Variants in CLYBL observed in about 807,000 individuals in gnomAD.
The protein encoded by CLYBL is citramalyl-CoA lyase, mitochondrial.
CLYBL carries 31 observed loss-of-function variants against 38.9 expected under a neutral mutation model. The observed-to-expected ratio is 0.80, with a 90% CI of 0.60 to 1.08. The LOEUF (loss-of-function observed/expected upper bound fraction) is 1.08. Ranked by LOEUF, CLYBL falls within the 50% of genes least tolerant of loss-of-function variation. The pLI, the probability that CLYBL is intolerant of heterozygous loss-of-function variation, is 0.00. For synonymous variants in CLYBL, 171 were observed against 158.6 expected (o/e 1.08, Z -0.59); for missense variants, 434 against 411.6 (o/e 1.05, Z -0.47).
chr13:99,901,645 G>GTTTTTTTTTTTTTTTTT (rs57853480), downstream of CLYBL, among the ~76,000 whole-genome samples: 4 of 127,190 alleles, frequency 3.1e-5, no homozygotes, highest in East Asian at 2.2e-4. Context: ...GGATTTTTTT[G>GTTTTTTTTTTTTTTTTT]TTTTTTTTTT....
intron 2 of CLYBL, among the ~76,000 whole-genome samples, chr13:99,823,821 T>A (rs977882466): frequency 2.6e-5 from 4 of 152,342 alleles, no homozygotes; most frequent in African/African-American, 9.6e-5. Flanking sequence ...GTTCTATTTT[T>A]CCCCAACAAG....
At chr13:99,648,681 T>C (rs1241341434) in intron 1 of CLYBL, among the ~76,000 whole-genome samples, 1 of 152,226 alleles carries the variant, frequency 6.6e-6, no homozygotes, top group Non-Finnish European at 1.5e-5. Context: ...GTTTAGGGTC[T>C]TTTCTACACT....
At chr13:99,894,909 G>A (rs1209387466), downstream of CLYBL, 1 of 152,146 alleles carries the variant, frequency 6.6e-6, no homozygotes, top group Non-Finnish European at 1.5e-5. Context: ...GCACAAGTTA[G>A]GAAGTTTCTC....
intron 1 of CLYBL, among the ~76,000 whole-genome samples, chr13:99,635,204 C>G (rs765590775): frequency 7.2e-5 from 11 of 151,940 alleles, no homozygotes; most frequent in Non-Finnish European, 1.2e-4. Flanking sequence ...ATTAGGTCTT[C>G]GTAATGAAAT....
downstream of CLYBL, among the ~76,000 whole-genome samples, chr13:99,897,631 G>A (rs9517908): frequency 0.71 from 107,222 of 152,026 alleles, 38,789 homozygotes; most frequent in East Asian, 0.79. Flanking sequence ...CTCTTTCACC[G>A]TTGCATGCAA....
chr13:99,660,642 C>T (rs1276806645), intron 1 of CLYBL, among the ~76,000 whole-genome samples: 1 of 152,222 alleles, frequency 6.6e-6, no homozygotes, highest in Non-Finnish European at 1.5e-5. Context: ...CAAACAGCCA[C>T]ACTCAAAGGA....
chr13:99,705,642 A>C (rs1450227260), intron 1 of CLYBL, among the ~76,000 whole-genome samples: 1 of 152,170 alleles, frequency 6.6e-6, no homozygotes, highest in Non-Finnish European at 1.5e-5. Context: ...ATGCTGAGTG[A>C]AATAAGCCAT....
At chr13:99,799,338 T>C (rs1421038064) in intron 2 of CLYBL, among the ~76,000 whole-genome samples, 1 of 151,876 alleles carries the variant, frequency 6.6e-6, no homozygotes, top group Non-Finnish European at 1.5e-5. Context: ...TACACATACA[T>C]ATAAATATAT....
intron 1 of CLYBL, among the ~76,000 whole-genome samples, chr13:99,750,673 C>G (rs374143009): frequency 1.6e-4 from 14 of 86,140 alleles, no homozygotes; most frequent in Admixed American, 3.8e-4. Context: ...GACTCTGCCT[C>G]AAAAAAAAAA....
At position 99,779,004 on chromosome 13, in the gene CLYBL, C is replaced by T. The variant is rs140078099; in HGVS notation, c.249+5994C>T. 3.1e-4 allele frequency among the ~76,000 whole-genome samples: 47 copies of T among 152,210 alleles called. 1 individual carries two copies. The East Asian group carries it at 8.7e-3, about 28-fold the overall frequency. On this transcript the variant is annotated intron_variant, in intron 2 of 8. Coordinates refer to ENST00000339105, the MANE Select transcript of CLYBL (RefSeq NM_206808.5). Reference sequence around the variant, plus strand: ...GTTGCCATGGCAGGCAGGAGGGAGACAAAAATGGTGGCAGATCCCCAACCT... The same window carrying T: ...GTTGCCATGGCAGGCAGGAGGGAGATAAAAATGGTGGCAGATCCCCAACCT...
chr13:99,637,694 G>A (rs2047038652), intron 1 of CLYBL, among the ~76,000 whole-genome samples: 1 of 152,194 alleles, frequency 6.6e-6, no homozygotes, highest in Admixed American at 6.5e-5. Flanking sequence ...GGAGGTGGAG[G>A]TTGCGGTGAG....
At chr13:99,811,154 A>T (rs1006278799) in intron 2 of CLYBL, among the ~76,000 whole-genome samples, 1 of 152,216 alleles carries the variant, frequency 6.6e-6, no homozygotes, top group African/African-American at 2.4e-5. Flanking sequence ...GGTTACGTTT[A>T]TAGGACTCCC....
intron 1 of CLYBL, among the ~76,000 whole-genome samples, chr13:99,764,282 C>T (rs1181441074): frequency 1.3e-5 from 2 of 151,596 alleles, no homozygotes; most frequent in Non-Finnish European, 2.9e-5. Context: ...CCCAGGCTGG[C>T]TCTTCAGTTT....
chr13:99,705,654 T>C (rs2048135922), intron 1 of CLYBL, among the ~76,000 whole-genome samples: 3 of 152,084 alleles, frequency 2.0e-5, no homozygotes, highest in Admixed American at 2.0e-4. Flanking sequence ...ATAAGCCATA[T>C]GCAAAAGGAC....
At chr13:99,815,748 G>A (rs897580075) in intron 2 of CLYBL, among the ~76,000 whole-genome samples, 2 of 152,134 alleles carry the variant, frequency 1.3e-5, no homozygotes, top group African/African-American at 4.8e-5. Context: ...ATGATTGTGT[G>A]CACCTGTAAT....
intron 1 of CLYBL, among the ~76,000 whole-genome samples, chr13:99,754,590 G>T (rs984187693): frequency 2.1e-5 from 3 of 142,608 alleles, no homozygotes; most frequent in Non-Finnish European, 3.1e-5. Context: ...TGTTGTTGTT[G>T]TTTTTTTTTT....
At chr13:99,884,910 AG>A in intron 7 of CLYBL, 2 of 463,778 alleles carry the variant, frequency 4.3e-6, no homozygotes, top group Non-Finnish European at 9.0e-6. Flanking sequence ...CCCTTCCCTA[AG>A]GTCCCAAATT....
chr13:99,640,029 C>T (rs1338618218), intron 1 of CLYBL, among the ~76,000 whole-genome samples: 1 of 152,158 alleles, frequency 6.6e-6, no homozygotes, highest in African/African-American at 2.4e-5. Flanking sequence ...CATAGTTGAA[C>T]ATTTCTATTC....
Position 99,684,468 on chromosome 13 carries a change from CA to C in CLYBL, c.62+77717del, listed in dbSNP as rs560341823. 2.2e-4 allele frequency among the ~76,000 whole-genome samples: 33 copies of C among 152,146 alleles called. No individual in the cohort carries two copies. The East Asian group carries it at 6.0e-3, about 28-fold the overall frequency. ...ATGACTGTATCTAAAAACAAACAAA[CA>C]AAAAATTTAAATAGAAAAGCTGGAT... On this transcript the variant is annotated intron_variant, in intron 1 of 8. Transcript: ENST00000339105.
Sources: allele counts gnomAD v4.1 joint callset (sites outside exome capture counted in the v4.1 genomes callset), GRCh38; gene constraint gnomAD v4.1.1; transcripts MANE v1.5; gene names NCBI Gene and HGNC (gene_info 2026-07-23, HGNC 2026-07-21).